AQP9: variants seen among roughly 807,000 people sequenced by gnomAD.
The protein encoded by AQP9 is aquaporin 9.
A neutral mutation model predicts 23.8 loss-of-function variants in AQP9; 19 were observed. The observed-to-expected ratio is 0.80, with a 90% CI of 0.56 to 1.17. The LOEUF is 1.17. Ranked by LOEUF, AQP9 falls within the 50% of genes most tolerant of loss-of-function variation. AQP9 has a pLI of 0.00. For synonymous variants in AQP9, 153 were observed against 131.5 expected (o/e 1.16, Z -1.12); for missense variants, 413 against 362.0 (o/e 1.14, Z -1.14).
At chr15:58,169,310 A>T (rs1482167128) in intron 2 of AQP9, among the ~76,000 whole-genome samples, 1 of 152,224 alleles carries the variant, frequency 6.6e-6, no homozygotes, top group South Asian at 2.1e-4. Context: ...GGAAAATAGT[A>T]GCACTGGCTT....
At chr15:58,139,874 C>T (rs779241736) in intron 1 of AQP9, among the ~76,000 whole-genome samples, 12 of 152,172 alleles carry the variant, frequency 7.9e-5, no homozygotes, top group Non-Finnish European at 1.5e-4. Context: ...GCTGCTCTGA[C>T]CACACTCACT....
chr15:58,179,568 G>A (rs193125673), intron 5 of AQP9, among the ~76,000 whole-genome samples: 20 of 151,262 alleles, frequency 1.3e-4, no homozygotes, highest in African/African-American at 4.9e-4. Flanking sequence ...AAAGAGAGGC[G>A]GCTCTAGGTA....
intron 5 of AQP9, among the ~76,000 whole-genome samples, chr15:58,180,893 G>A (rs1156320898): frequency 3.3e-5 from 5 of 152,210 alleles, no homozygotes; most frequent in African/African-American, 7.2e-5. Context: ...ACACGAAAAT[G>A]TCCGCAACTA....
chr15:58,172,939 A>AC, intron 2 of AQP9, 129 bp from the exon 3 acceptor site: 1 of 1,156,824 alleles, frequency 8.6e-7, no homozygotes, highest in Non-Finnish European at 1.2e-6. Context: ...GTGCATACAC[A>AC]CCCCTCTTTC....
At position 58,177,678 on chromosome 15, in the gene AQP9, T is replaced by C. The variant is rs114256430; in HGVS notation, c.496-1450T>C. On this transcript the variant is annotated intron_variant, in intron 4 of 5. Coordinates refer to ENST00000219919, the MANE Select transcript of AQP9 (RefSeq NM_020980.5). ...TTTCTTATCTATAAACTGAGAATAA[T>C]AGCAGGATTTACCTCACAGCATTAC... 4.4e-3 allele frequency among the ~76,000 whole-genome samples: 666 copies of C among 152,304 alleles called. 7 individuals are homozygous for C. Among genetic ancestry groups the C allele is most frequent in the African/African-American group, 0.015 (614 of 41,580 alleles).
In AQP9 at chr15:58,184,223, G is replaced by A. The variant is rs1898962984; in HGVS notation, c.*88G>A. The A allele has an allele frequency of 7.1e-7, 1 of 1,417,536 alleles. No individual in the cohort carries two copies. 87.8% of individuals were successfully genotyped at this position (1,417,536 alleles called of 1,614,324 possible). On this transcript the variant is annotated 3_prime_UTR_variant, in exon 6 of 6. Transcript: ENST00000219919. ...GTGTCTGTGTTCTTGTAAGCCTGAG[G>A]TGGAATCCACCCAGTTTTGTCTGCT...
chr15:58,183,904 C>T (rs546633244), intron 5 of AQP9, 57 bp from the exon 6 acceptor site: 11 of 1,569,922 alleles, frequency 7.0e-6, no homozygotes, highest in Middle Eastern at 3.4e-4. Context: ...AAAAACTAGA[C>T]AGTAATACCA....
chr15:58,181,201 C>T (rs1292210364), intron 5 of AQP9, among the ~76,000 whole-genome samples: 2 of 152,226 alleles, frequency 1.3e-5, no homozygotes, highest in African/African-American at 4.8e-5. Context: ...CACCTAATGT[C>T]CCATGTCCTT....
At chr15:58,174,026 G>A (rs1330505683) in intron 3 of AQP9, among the ~76,000 whole-genome samples, 1 of 152,162 alleles carries the variant, frequency 6.6e-6, no homozygotes, top group East Asian at 1.9e-4. Context: ...GCTCATGCCT[G>A]TAATCCCAAC....
intron 1 of AQP9, among the ~76,000 whole-genome samples, chr15:58,166,003 C>T (rs1898494305): frequency 6.6e-6 from 1 of 152,180 alleles, no homozygotes. Flanking sequence ...CCTTTGTTTT[C>T]TTGTACATCA....
At chr15:58,172,143 C>A (rs1898638964) in intron 2 of AQP9, among the ~76,000 whole-genome samples, 1 of 152,134 alleles carries the variant, frequency 6.6e-6, no homozygotes, top group Admixed American at 6.5e-5. Context: ...TTCAGATAAA[C>A]CTGAATCTGA....
In AQP9 at chr15:58,143,354, G is replaced by A. The variant is rs181557116; in HGVS notation, c.111+4678G>A. Among the ~76,000 whole-genome samples the A allele has an allele frequency of 3.9e-5, 6 of 152,288 alleles. No individual in the cohort carries two copies. In the East Asian group the frequency reaches 5.8e-4, roughly 15 times the overall value. ...ACGAGGACAAGAGAGGGCAAAGGAG[G>A]TTAACACTAAGCATACTCTATACCC... On this transcript the variant is annotated intron_variant, in intron 1 of 5. Transcript: ENST00000219919.
chr15:58,161,894 C>T (rs1898391555), intron 1 of AQP9, among the ~76,000 whole-genome samples: 1 of 152,094 alleles, frequency 6.6e-6, no homozygotes, highest in Non-Finnish European at 1.5e-5. Flanking sequence ...TGTTCATTTA[C>T]ATTGCCAACA....
intron 4 of AQP9, among the ~76,000 whole-genome samples, chr15:58,175,701 A>G (rs116156286): frequency 0.012 from 1,855 of 151,822 alleles, 39 homozygotes; most frequent in African/African-American, 0.043. Context: ...ATTTTTCAGT[A>G]TCTCTAAGTT....
chr15:58,167,635 T>G (rs1898537609), intron 2 of AQP9, among the ~76,000 whole-genome samples: 1 of 152,200 alleles, frequency 6.6e-6, no homozygotes, highest in Admixed American at 6.5e-5. Context: ...CTGCAGCTGG[T>G]AAAGAAGAAG....
At chr15:58,179,375 C>G in intron 5 of AQP9, 30 bp downstream of exon 5, 2 of 1,578,680 alleles carry the variant, frequency 1.3e-6, no homozygotes, top group Non-Finnish European at 1.7e-6. Flanking sequence ...AAGAGAGAGA[C>G]AGAGTCATGC....
chr15:58,160,574 C>G (rs1433858105), intron 1 of AQP9, among the ~76,000 whole-genome samples: 1 of 151,880 alleles, frequency 6.6e-6, no homozygotes, highest in African/African-American at 2.4e-5. Flanking sequence ...AGGGTAATCA[C>G]TCTGTGGTTC....
At chr15:58,148,433 C>CT (rs1203311397) in intron 1 of AQP9, among the ~76,000 whole-genome samples, 2 of 152,228 alleles carry the variant, frequency 1.3e-5, no homozygotes, top group African/African-American at 4.8e-5. Context: ...GTGAAACATA[C>CT]TTTGAGATTT....
chr15:58,140,254 G>A (rs1375981053), intron 1 of AQP9, among the ~76,000 whole-genome samples: 1 of 147,030 alleles, frequency 6.8e-6, no homozygotes. Flanking sequence ...TTCTTAAGAA[G>A]AACCTGTTTC....
Sources: allele counts gnomAD v4.1 joint callset (sites outside exome capture counted in the v4.1 genomes callset), GRCh38; gene constraint gnomAD v4.1.1; transcripts MANE v1.5; gene names NCBI Gene and HGNC (gene_info 2026-07-23, HGNC 2026-07-21).